SHLD2: variants seen among roughly 807,000 people sequenced by gnomAD.
SHLD2 encodes RINN1-REV7-interacting novel NHEJ regulator 2.
Under a neutral mutation model 73.2 loss-of-function variants are expected in SHLD2, and 30 were observed. The observed-to-expected ratio is 0.41, with a 90% CI of 0.31 to 0.56. The LOEUF is 0.56. Ranked by LOEUF, SHLD2 falls within the 20% of genes least tolerant of loss-of-function variation. SHLD2 has a pLI of 0.28. For synonymous variants in SHLD2, 285 were observed against 370.1 expected (o/e 0.77, Z 2.64); for missense variants, 745 against 1,055.9 (o/e 0.71, Z 4.08).
intron 4 of SHLD2, among the ~76,000 whole-genome samples, chr10:87,158,751 TA>T (rs1014486149): frequency 1.6e-4 from 25 of 151,924 alleles, no homozygotes; most frequent in African/African-American, 5.8e-4. Flanking sequence ...TAAAATAACA[TA>T]AAAAAAAGAA....
At chr10:87,127,531 C>T (rs912024454) in intron 2 of SHLD2, among the ~76,000 whole-genome samples, 6 of 62,906 alleles carry the variant, frequency 9.5e-5, no homozygotes, top group Admixed American at 5.2e-4. Flanking sequence ...TCTTACCCGC[C>T]CCCCCCCACC....
chr10:87,116,547 C>T (rs774484963), intron 2 of SHLD2, among the ~76,000 whole-genome samples: 3 of 151,960 alleles, frequency 2.0e-5, no homozygotes, highest in African/African-American at 4.8e-5. Flanking sequence ...GGTGAGAATT[C>T]GGGATATGAA....
chr10:87,128,429 C>T (rs927246113), intron 2 of SHLD2, among the ~76,000 whole-genome samples: 1 of 152,218 alleles, frequency 6.6e-6, no homozygotes, highest in Non-Finnish European at 1.5e-5. Flanking sequence ...CACAGTGCTC[C>T]AACATGGAGT....
rs777234889 is a variant in SHLD2 at position 87,170,626 on chromosome 10, A to G, written c.1782A>G (p.Val594=). The part of the protein sequence containing the change: ...FVELEHLQPD[V]LVHAVLRVVD... ...AATTGGAGCACCTTCAACCTGATGT[A>G]TTAGTCCACGCAGTACTAAGAGTTG... The change falls in exon 5 of 10, where the codon GTA becomes GTG. Residue 594 remains valine, a synonymous_variant. Coordinates refer to ENST00000298786, the MANE Select transcript of SHLD2 (RefSeq NM_001330112.2). 5 of 1,612,870 alleles carry G rather than the reference A, an allele frequency of 3.1e-6. No homozygotes were observed. The highest frequency in any genetic ancestry group is 2.7e-5 in the African/African-American group (2 of 74,878).
intron 2 of SHLD2, among the ~76,000 whole-genome samples, chr10:87,106,181 T>C (rs1187639089): frequency 6.6e-6 from 1 of 152,148 alleles, no homozygotes; most frequent in African/African-American, 2.4e-5. Flanking sequence ...TTTTTTGTAT[T>C]TTTAGTAGAG....
At chr10:87,146,353 GC>G (rs565056291) in intron 2 of SHLD2, among the ~76,000 whole-genome samples, 1,925 of 152,150 alleles carry the variant, frequency 0.013, 25 homozygotes, top group Non-Finnish European at 0.018. Flanking sequence ...GAGTGCAGTG[GC>G]CCGATCTTGG....
upstream of SHLD2, chr10:87,094,795 G>A (rs1265987201): frequency 1.9e-5 from 28 of 1,512,984 alleles, no homozygotes; most frequent in Non-Finnish European, 2.4e-5. The surrounding 1 kb of genome is among the most constrained non-coding windows in gnomAD (Gnocchi z 6.6). Context: ...GGAGGTGCGT[G>A]ATGGTCGCGA....
intron 2 of SHLD2, among the ~76,000 whole-genome samples, chr10:87,129,606 T>G (rs1844281820): frequency 1.3e-5 from 2 of 152,252 alleles, no homozygotes; most frequent in Non-Finnish European, 2.9e-5. Flanking sequence ...CTAAGTTTAA[T>G]TTCCAAGGGC....
In SHLD2 at chr10:87,152,613, T is replaced by C. The variant is rs1010477344; in HGVS notation, c.1259T>C (p.Val420Ala). Residue 420 changes from valine to alanine, a missense_variant, in exon 3 of 10, where the codon GTG (valine) becomes GCG (alanine). Coordinates refer to ENST00000298786, the MANE Select transcript of SHLD2 (RefSeq NM_001330112.2). ...GCTGTAGAAATGGATCGGAGAAATG[T>C]GTCTGAATTTAAGAGTATTAAAAAA... ...DSAVEMDRRN[V>A]SEFKSIKKTS... The C allele has an allele frequency of 1.2e-6, 2 of 1,607,958 alleles. No individual in the cohort carries two copies. Among genetic ancestry groups the C allele is most frequent in the African/African-American group, 2.7e-5 (2 of 74,496 alleles).
At chr10:87,167,331 T>C (rs886946405) in intron 4 of SHLD2, among the ~76,000 whole-genome samples, 2 of 152,228 alleles carry the variant, frequency 1.3e-5, no homozygotes. Context: ...CAGGAATTTA[T>C]GGTGCTTTAT....
At chr10:87,118,084 C>T (rs1589461022) in intron 2 of SHLD2, among the ~76,000 whole-genome samples, 2 of 152,148 alleles carry the variant, frequency 1.3e-5, no homozygotes, top group East Asian at 3.9e-4. Flanking sequence ...CTCCCACGTG[C>T]ATTATTGTTT....
intron 4 of SHLD2, among the ~76,000 whole-genome samples, chr10:87,165,738 G>T (rs1847151878): frequency 6.6e-6 from 1 of 152,050 alleles, no homozygotes; most frequent in African/African-American, 2.4e-5. Context: ...ATTAATAGGA[G>T]AATTGATAAA....
intron 2 of SHLD2, among the ~76,000 whole-genome samples, chr10:87,108,613 T>A (rs1244892761): frequency 6.6e-6 from 1 of 152,164 alleles, no homozygotes; most frequent in Non-Finnish European, 1.5e-5. Context: ...CCAACTTCAT[T>A]TCTAAATAAC....
intron 2 of SHLD2, among the ~76,000 whole-genome samples, chr10:87,097,799 G>T (rs1366875252): frequency 6.6e-6 from 1 of 151,812 alleles, no homozygotes; most frequent in Non-Finnish European, 1.5e-5. Context: ...TTGCTCTGTT[G>T]CCCATGCTGG....
chr10:87,144,727 C>T (rs1845463856), intron 2 of SHLD2, among the ~76,000 whole-genome samples: 1 of 143,320 alleles, frequency 7.0e-6, no homozygotes, highest in Admixed American at 7.4e-5. Flanking sequence ...CCCTGGTTCA[C>T]GCCATGCTCC....
chr10:87,154,742 T>C (rs946822157), intron 3 of SHLD2, among the ~76,000 whole-genome samples: 2 of 152,124 alleles, frequency 1.3e-5, no homozygotes, highest in Non-Finnish European at 2.9e-5. Flanking sequence ...GATTTAAAAT[T>C]GACACATGGT....
At position 87,156,946 on chromosome 10, in the gene SHLD2, A is replaced by T. The variant is rs1342296148; in HGVS notation, c.1526-1102A>T. 2.0e-5 allele frequency among the ~76,000 whole-genome samples: 3 copies of T among 152,148 alleles called. No homozygotes were observed. In the East Asian group the frequency reaches 5.8e-4, roughly 29 times the overall value. On this transcript the variant is annotated intron_variant, in intron 3 of 9. Coordinates refer to ENST00000298786, the MANE Select transcript of SHLD2 (RefSeq NM_001330112.2). ...TAAGAAATGGGTTGCAGGCGGGACA[A>T]GCACCTGTTGGGAGGGAAAGGAATG...
intron 2 of SHLD2, among the ~76,000 whole-genome samples, chr10:87,113,366 C>A (rs377343401): frequency 1.3e-5 from 2 of 152,154 alleles, no homozygotes; most frequent in East Asian, 3.9e-4. Context: ...GTATGTGGTC[C>A]ATCCATACAA....
At chr10:87,135,093 A>G (rs1246336530) in intron 2 of SHLD2, among the ~76,000 whole-genome samples, 1 of 152,052 alleles carries the variant, frequency 6.6e-6, no homozygotes, top group Non-Finnish European at 1.5e-5. Context: ...CCAAGATAGT[A>G]TAGAGAGTTC....
Sources: allele counts gnomAD v4.1 joint callset (sites outside exome capture counted in the v4.1 genomes callset), GRCh38; gene constraint gnomAD v4.1.1; non-coding constraint Gnocchi (gnomAD v3.1); transcripts MANE v1.5; gene names NCBI Gene and HGNC (gene_info 2026-07-23, HGNC 2026-07-21).